The following CAMTA1 variants were observed in gnomAD, a reference collection of about 807,000 sequenced individuals.
CAMTA1 encodes the protein calmodulin binding transcription activator 1.
Under a neutral mutation model 170.9 loss-of-function variants are expected in CAMTA1, and 27 were observed. The ratio of observed to expected loss-of-function variants is 0.16; its 90% CI spans 0.12 to 0.22. CAMTA1 has a LOEUF of 0.22. CAMTA1 is among the 10% of genes least tolerant of loss of function. CAMTA1 has a pLI of 1.00. For synonymous variants in CAMTA1, 833 were observed against 891.5 expected (o/e 0.93, Z 1.17); for missense variants, 1,619 against 2,217.2 (o/e 0.73, Z 5.42).
At chr1:7,678,149 G>A (rs1025698733) in intron 11 of CAMTA1, among the ~76,000 whole-genome samples, 4 of 152,246 alleles carry the variant, frequency 2.6e-5, no homozygotes, top group Non-Finnish European at 5.9e-5. Flanking sequence ...AGGGTTCCCA[G>A]AGGCCATCGC....
chr1:7,389,671 G>A (rs1012188812), intron 5 of CAMTA1: 2 of 152,536 alleles, frequency 1.3e-5, no homozygotes, highest in African/African-American at 4.8e-5. Context: ...TAGGGTGTGG[G>A]GGTAGAAAGC....
intron 6 of CAMTA1, among the ~76,000 whole-genome samples, chr1:7,636,314 G>A (rs2095711848): frequency 6.6e-6 from 1 of 152,182 alleles, no homozygotes; most frequent in South Asian, 2.1e-4. Flanking sequence ...TGGAGGATGG[G>A]GTGGGTATCC....
chr1:7,661,289 G>A (rs1265902553), intron 7 of CAMTA1, among the ~76,000 whole-genome samples: 1 of 152,170 alleles, frequency 6.6e-6, no homozygotes, highest in Non-Finnish European at 1.5e-5. Context: ...CTCCCGGCTC[G>A]GTGCTTGTTG....
intron 18 of CAMTA1, 137 bp downstream of exon 18, chr1:7,746,228 A>G: frequency 2.1e-6 from 2 of 933,776 alleles, no homozygotes; most frequent in Non-Finnish European, 3.2e-6. Flanking sequence ...GGAAGTCTCC[A>G]ATTTATTAAG....
At position 7,435,690 on chromosome 1, in the gene CAMTA1, T is replaced by C. The variant is rs914746229; in HGVS notation, c.439-32140T>C. On this transcript the variant is annotated intron_variant, in intron 5 of 22. Coordinates refer to ENST00000303635, the MANE Select transcript of CAMTA1 (RefSeq NM_015215.4). This position sits in a 1 kb window ranked among gnomAD's most constrained non-coding sequence, Gnocchi z 4.4. The stretch of plus-strand genomic sequence containing the variant: ...AGGCAAGGGCTGGCCGCCGTTCTCA[T>C]GGCTGAAGGGTACTCAGTTCCTATA... 7.9e-5 allele frequency among the ~76,000 whole-genome samples: 12 copies of C among 152,136 alleles called. No individual in the cohort carries two copies. The highest frequency in any genetic ancestry group is 1.5e-4 in the Non-Finnish European group (10 of 68,018).
chr1:6,981,282 C>T (rs188539472), intron 3 of CAMTA1, among the ~76,000 whole-genome samples: 10 of 152,212 alleles, frequency 6.6e-5, no homozygotes, highest in Admixed American at 3.3e-4. Context: ...AATAGTAGCA[C>T]GTGCTCCTTG....
chr1:7,465,929 T>C (rs1198891358), intron 5 of CAMTA1, among the ~76,000 whole-genome samples: 1 of 152,152 alleles, frequency 6.6e-6, no homozygotes, highest in Non-Finnish European at 1.5e-5. Flanking sequence ...GGGAAAGTCA[T>C]TGCAAAGTCT....
intron 1 of CAMTA1, among the ~76,000 whole-genome samples, chr1:6,812,703 A>G (rs1645324894): frequency 6.6e-6 from 1 of 152,220 alleles, no homozygotes; most frequent in Non-Finnish European, 1.5e-5. Context: ...ATTCATATCT[A>G]GAAAGAATAA....
intron 3 of CAMTA1, among the ~76,000 whole-genome samples, chr1:7,074,270 G>A (rs1413243366): frequency 2.0e-5 from 3 of 152,194 alleles, no homozygotes; most frequent in Non-Finnish European, 2.9e-5. Flanking sequence ...GAAGCACGCT[G>A]CTTCCCTCAT....
intron 6 of CAMTA1, among the ~76,000 whole-genome samples, chr1:7,492,747 GCA>G (rs997548461): frequency 1.0e-4 from 10 of 97,450 alleles, no homozygotes; most frequent in Non-Finnish European, 1.7e-4. Context: ...ACACACGCGC[GCA>G]CACACACACA....
In CAMTA1 at chr1:7,633,414, G is replaced by A. The variant is rs2095685883; in HGVS notation, c.511-6986G>A. Among the ~76,000 whole-genome samples, 1 of 152,036 alleles carries A rather than the reference G, an allele frequency of 6.6e-6. No homozygotes were observed. The highest frequency in any genetic ancestry group is 2.4e-5 in the African/African-American group (1 of 41,404). On this transcript the variant is annotated intron_variant, in intron 6 of 22. Coordinates refer to ENST00000303635, the MANE Select transcript of CAMTA1 (RefSeq NM_015215.4). The surrounding 1 kb of genome is among the most constrained non-coding windows in gnomAD (Gnocchi z 4.1). ...AGAGAGCTCGTGGACCCCCCCAGAT[G>A]CCACCCCTCCTGGGCCCCTTCTGGG... is the stretch of plus-strand genomic sequence containing the variant.
rs1558243437 is a variant in CAMTA1 at position 7,732,183 on chromosome 1, A to C, written c.2915-265A>C. ...TTTGACAAAGAAACTAGGGGGCAGG[A>C]ACCTGAACCTCTTTTTGATCTTTGA... On this transcript the variant is annotated intron_variant, in intron 11 of 22. Transcript: ENST00000303635. This position sits in a 1 kb window ranked among gnomAD's most constrained non-coding sequence, Gnocchi z 4.1. Among the ~76,000 whole-genome samples, 1 of 152,122 alleles carries C rather than the reference A, an allele frequency of 6.6e-6. No homozygotes were observed. Among genetic ancestry groups the C allele is most frequent in the Non-Finnish European group, 1.5e-5 (1 of 68,018 alleles).
chr1:7,749,372 T>C (rs1383470679), intron 19 of CAMTA1, among the ~76,000 whole-genome samples: 1 of 152,128 alleles, frequency 6.6e-6, no homozygotes, highest in Non-Finnish European at 1.5e-5. Flanking sequence ...AAAGGAAGGT[T>C]TATTGTGCAA....
Position 7,661,766 on chromosome 1 carries a change from C to A in CAMTA1, c.705C>A (p.Ser235Arg). 2 of 1,614,032 alleles carry A rather than the reference C, an allele frequency of 1.2e-6. No homozygotes were observed. The highest frequency in any genetic ancestry group is 1.3e-5 in the African/African-American group (1 of 75,042). ...IKWTCSNGNS[S>R]SGFSVEQLVQ... is the part of the protein sequence containing the mutation. ...GGACCTGCAGCAATGGGAACAGCAG[C>A]TCAGGCTTCTCGGTGGAACAGCTGG... Residue 235 changes from serine (S) to arginine (R), a missense_variant, in exon 8 of 23, where the codon AGC becomes AGA. This residue lies in a region of CAMTA1 where 731 missense variants were observed against 907.6 expected (regional missense o/e 0.81). Transcript: ENST00000303635.
Position 7,293,354 on chromosome 1 carries a change from C to T in CAMTA1, c.438+43728C>T, listed in dbSNP as rs1271922922. Among the ~76,000 whole-genome samples, 2 of 152,160 alleles carry T rather than the reference C, an allele frequency of 1.3e-5. No individual in the cohort carries two copies. Among genetic ancestry groups the T allele is most frequent in the Non-Finnish European group, 2.9e-5 (2 of 68,032 alleles). Reference sequence around the variant, plus strand: ...AGAATCATTCCTTCCTGCACCTGGACACTGTTTCAGGGCTGGCATTTCTCT... The same window carrying T: ...AGAATCATTCCTTCCTGCACCTGGATACTGTTTCAGGGCTGGCATTTCTCT... On this transcript the variant is annotated intron_variant, in intron 5 of 22. Coordinates refer to ENST00000303635, the MANE Select transcript of CAMTA1 (RefSeq NM_015215.4). This position sits in a 1 kb window ranked among gnomAD's most constrained non-coding sequence, Gnocchi z 4.1.
intron 4 of CAMTA1, among the ~76,000 whole-genome samples, chr1:7,106,736 C>T (rs536885176): frequency 6.2e-4 from 94 of 152,128 alleles, no homozygotes; most frequent in Non-Finnish European, 4.6e-4. Flanking sequence ...GTTGATCCTA[C>T]GGTAGGCCTT....
chr1:7,363,689 AG>A lies in CAMTA1; in HGVS notation c.439-104138del, dbSNP rs2085740399. ...TCTATTTTTGGCCACCAAGTGCAGG[AG>A]GGAGGGCATCTGGTGTGTGTCTCAT... On this transcript the variant is annotated intron_variant, in intron 5 of 22. Coordinates refer to ENST00000303635, the MANE Select transcript of CAMTA1 (RefSeq NM_015215.4). Among the ~76,000 whole-genome samples the A allele has an allele frequency of 2.0e-5, 3 of 152,178 alleles. No homozygotes were observed. The South Asian group carries it at 6.2e-4, about 32-fold the overall frequency.
chr1:7,586,499 G>A (rs1409706876), intron 6 of CAMTA1, among the ~76,000 whole-genome samples: 1 of 152,088 alleles, frequency 6.6e-6, no homozygotes, highest in Non-Finnish European at 1.5e-5. Context: ...ACACCTAGGC[G>A]TGACTTGGGC....
chr1:7,052,872 G>A (rs1007641016), intron 3 of CAMTA1, among the ~76,000 whole-genome samples: 2 of 152,098 alleles, frequency 1.3e-5, no homozygotes, highest in African/African-American at 2.4e-5. Context: ...CTCTTGGGCC[G>A]GGCCGTCCCC....
Sources: gnomAD v4.1 joint callset for allele counts (sites outside exome capture counted in the v4.1 genomes callset) on GRCh38, gnomAD v4.1.1 for gene constraint, gnomAD v4.1.1 regional missense constraint, Gnocchi (gnomAD v3.1) non-coding constraint, MANE v1.5 for transcripts, NCBI Gene and HGNC (gene_info 2026-07-23, HGNC 2026-07-21) for gene names.